Variants in LMBRD1 observed in about 807,000 individuals in gnomAD.
LMBRD1 encodes LMBR1 domain containing 1, also known as lysosomal cobalamin transport escort protein LMBD1.
In LMBRD1, 64 loss-of-function variants were observed where a neutral mutation model predicts 74.8. That is an observed-to-expected ratio of 0.86 (90% CI 0.70 to 1.05). LMBRD1 has a LOEUF of 1.05. LMBRD1 is among the 50% of genes least tolerant of loss of function. The probability of loss-of-function intolerance (pLI) is 0.00; values close to 1 mark genes in which losing one functional copy is unlikely to be tolerated. For synonymous variants in LMBRD1, 204 were observed against 216.3 expected, an observed-to-expected ratio of 0.94 and a Z score of 0.50; for missense variants, 652 against 645.9, an observed-to-expected ratio of 1.01 and a Z score of -0.10.
chr6:69,771,672 T>C (rs1765579925), intron 3 of LMBRD1, among the ~76,000 whole-genome samples: 1 of 149,418 alleles, frequency 6.7e-6, no homozygotes, highest in Non-Finnish European at 1.5e-5. Flanking sequence ...CATAAGGCCC[T>C]GCAGGCTTCA....
intron 3 of LMBRD1, among the ~76,000 whole-genome samples, chr6:69,769,202 T>A (rs1417123318): frequency 1.3e-5 from 2 of 152,192 alleles, no homozygotes; most frequent in Non-Finnish European, 2.9e-5. Context: ...TTCTCTTTAA[T>A]CTTTCCTCTC....
intron 6 of LMBRD1, among the ~76,000 whole-genome samples, chr6:69,741,519 G>A (rs953161948): frequency 2.0e-5 from 3 of 152,078 alleles, no homozygotes; most frequent in African/African-American, 7.2e-5. Flanking sequence ...CCGAGCAGCT[G>A]GGATTACAGG....
At chr6:69,681,557 C>T (rs898911530) in intron 14 of LMBRD1, among the ~76,000 whole-genome samples, 3 of 151,908 alleles carry the variant, frequency 2.0e-5, no homozygotes, top group Non-Finnish European at 4.4e-5. Context: ...TAAACCTTCA[C>T]TTGAAATCAA....
At chr6:69,694,170 C>T (rs1437815093) in intron 14 of LMBRD1, among the ~76,000 whole-genome samples, 1 of 152,042 alleles carries the variant, frequency 6.6e-6, no homozygotes, top group Non-Finnish European at 1.5e-5. Flanking sequence ...AAAATTCACT[C>T]AGTCCAGTAA....
intron 7 of LMBRD1, among the ~76,000 whole-genome samples, chr6:69,720,277 G>C (rs1295933766): frequency 6.6e-6 from 1 of 152,006 alleles, no homozygotes; most frequent in African/African-American, 2.4e-5. Flanking sequence ...GTTGTATTTA[G>C]ATACTTACCT....
intron 8 of LMBRD1, among the ~76,000 whole-genome samples, chr6:69,715,771 T>C (rs1766475399): frequency 6.6e-6 from 1 of 152,158 alleles, no homozygotes; most frequent in African/African-American, 2.4e-5. Flanking sequence ...TTCTCCCTCC[T>C]TCCACCCTCT....
chr6:69,714,931 T>A (rs1344839927), intron 8 of LMBRD1, among the ~76,000 whole-genome samples: 1 of 152,114 alleles, frequency 6.6e-6, no homozygotes, highest in Non-Finnish European at 1.5e-5. Flanking sequence ...CCAGAGGATA[T>A]GATTTTGTAG....
chr6:69,723,019 A>G (rs1465321202), intron 7 of LMBRD1, among the ~76,000 whole-genome samples: 1 of 152,176 alleles, frequency 6.6e-6, no homozygotes, highest in African/African-American at 2.4e-5. Flanking sequence ...AAAAAGAACA[A>G]AAGTAACTAT....
intron 3 of LMBRD1, among the ~76,000 whole-genome samples, chr6:69,755,830 G>C (rs1395623740): frequency 1.3e-5 from 2 of 152,196 alleles, no homozygotes; most frequent in Admixed American, 6.5e-5. Context: ...GCTTCAGCCT[G>C]AGTATGCCAC....
chr6:69,735,693 C>G lies in LMBRD1; in HGVS notation c.636+2249G>C, dbSNP rs7738410. Among the ~76,000 whole-genome samples, 475 of 152,182 alleles carry G rather than the reference C, an allele frequency of 3.1e-3. 2 individuals are homozygous for G. The highest frequency in any genetic ancestry group is 0.01 in the African/African-American group (425 of 41,504). On this transcript the variant is annotated intron_variant, in intron 7 of 15. Coordinates refer to ENST00000649934, the MANE Select transcript of LMBRD1 (RefSeq NM_018368.4). ...TATTTTCTCCACTCCCACTCGCTAC[C>G]CTCATAGCTTATTTAATTCGGAGCC...
At chr6:69,733,666 G>T (rs1766911555) in intron 7 of LMBRD1, among the ~76,000 whole-genome samples, 1 of 152,060 alleles carries the variant, frequency 6.6e-6, no homozygotes, top group Non-Finnish European at 1.5e-5. Flanking sequence ...CCAAATCATG[G>T]CTTGGCAGCA....
chr6:69,705,996 A>G (rs1766247911), intron 9 of LMBRD1: 1 of 816,502 alleles, frequency 1.2e-6, no homozygotes, highest in Non-Finnish European at 2.1e-6. Context: ...TGTGTAATTC[A>G]TCTTTTCCAT....
At chr6:69,779,894 A>G (rs1765789795) in intron 3 of LMBRD1, among the ~76,000 whole-genome samples, 1 of 152,202 alleles carries the variant, frequency 6.6e-6, no homozygotes, top group Non-Finnish European at 1.5e-5. Flanking sequence ...GTCCTTAGGA[A>G]GTTTTCATCT....
In LMBRD1 at chr6:69,738,060, C is replaced by A. The variant is rs139214708; in HGVS notation, c.563-45G>T. 9.5e-5 allele frequency: 128 copies of A among 1,343,278 alleles called. No individual in the cohort carries two copies. In the African/African-American group the frequency reaches 1.4e-3, roughly 15 times the overall value. The allele number at this position is 1,343,278 out of a possible 1,614,324, so 83.2% of individuals were successfully genotyped here. A position where few individuals can be genotyped will look rare whatever the true frequency, so the allele number is the denominator to read the frequency against. On this transcript the variant is annotated intron_variant, in intron 6 of 15. Coordinates refer to ENST00000649934, the MANE Select transcript of LMBRD1 (RefSeq NM_018368.4). ...GTTAAAAATGTACATATATACTACT[C>A]AAATCCTTATATTTAGCAAATCAAC...
At chr6:69,719,155 G>T in intron 7 of LMBRD1, 74 bp from the exon 8 acceptor site, 1 of 1,403,308 alleles carries the variant, frequency 7.1e-7, no homozygotes, top group Non-Finnish European at 9.8e-7. Context: ...GGTTAAAAAT[G>T]TCTTTTAAAG....
At chr6:69,730,385 A>G (rs1400276365) in intron 7 of LMBRD1, among the ~76,000 whole-genome samples, 1 of 152,126 alleles carries the variant, frequency 6.6e-6, no homozygotes, top group South Asian at 2.1e-4. Context: ...TTATTCAAAG[A>G]TGTACATGTT....
rs1477517742 is a variant in LMBRD1, at chr6:69,691,151, T to TTC, written c.1417+6411_1417+6412insGA. Among the ~76,000 whole-genome samples, 5 of 150,118 alleles carry TTC rather than the reference T, an allele frequency of 3.3e-5. No individual in the cohort carries two copies. In the South Asian group the frequency reaches 1.0e-3, roughly 31 times the overall value. On this transcript the variant is annotated intron_variant, in intron 14 of 15. Coordinates refer to ENST00000649934, the MANE Select transcript of LMBRD1 (RefSeq NM_018368.4). ...AAGCAGCAACGGCCTCTCTCTCTCT[T>TTC]TTTTTTTTTAACAATTTAAAGGACA...
chr6:69,721,380 G>A (rs549721005), intron 7 of LMBRD1, among the ~76,000 whole-genome samples: 49 of 152,256 alleles, frequency 3.2e-4, no homozygotes, highest in African/African-American at 7.2e-4. Flanking sequence ...TTTGTTTTGC[G>A]TCTTGGATAC....
intron 13 of LMBRD1, 107 bp from the exon 14 acceptor site, chr6:69,697,748 A>G: frequency 1.6e-6 from 1 of 630,482 alleles, no homozygotes; most frequent in South Asian, 2.0e-5. Flanking sequence ...AACTACATCT[A>G]TCTAACATTC....
Sources: allele counts gnomAD v4.1 joint callset (sites outside exome capture counted in the v4.1 genomes callset), GRCh38; gene constraint gnomAD v4.1.1; transcripts MANE v1.5; gene names NCBI Gene and HGNC (gene_info 2026-07-23, HGNC 2026-07-21).